DOCK7: variants seen among roughly 807,000 people sequenced by gnomAD.
DOCK7 encodes dedicator of cytokinesis 7, also known as dedicator of cytokinesis protein 7.
DOCK7 carries 138 observed loss-of-function variants against 271.0 expected under a neutral mutation model. The ratio of observed to expected loss-of-function variants is 0.51; its 90% CI spans 0.44 to 0.59. DOCK7 has a LOEUF of 0.59. DOCK7 is among the 20% of genes least tolerant of loss of function. The pLI, the probability that DOCK7 is intolerant of heterozygous loss-of-function variation, is 0.00. For synonymous variants in DOCK7, 823 were observed against 876.1 expected (o/e 0.94, Z 1.07); for missense variants, 2,066 against 2,592.4 (o/e 0.80, Z 4.41).
chr1:62,548,184 T>G (rs897494708), intron 22 of DOCK7, among the ~76,000 whole-genome samples: 1 of 150,482 alleles, frequency 6.6e-6, no homozygotes, highest in Non-Finnish European at 1.5e-5. Flanking sequence ...AATTAATTCA[T>G]ATGCTACATT....
intron 43 of DOCK7, chr1:62,484,942 T>A (rs1411636530): frequency 2.4e-5 from 4 of 168,830 alleles, no homozygotes; most frequent in African/African-American, 9.6e-5. Context: ...GAGTTTGAGA[T>A]CAACCTGAGC....
chr1:62,458,639 TCTC>T (rs1645422673), intron 48 of DOCK7: 1 of 152,166 alleles, frequency 6.6e-6, no homozygotes, highest in Non-Finnish European at 1.5e-5. Context: ...TTCAAGCGAT[TCTC>T]CTACCTCAAC....
intron 31 of DOCK7, among the ~76,000 whole-genome samples, chr1:62,525,637 T>C (rs1644984274): frequency 6.6e-6 from 1 of 152,218 alleles, no homozygotes; most frequent in South Asian, 2.1e-4. Flanking sequence ...CTTCAAAGGT[T>C]ACCAGGCTGT....
At chr1:62,601,223 T>C in intron 14 of DOCK7, 2 of 1,418,114 alleles carry the variant, frequency 1.4e-6, no homozygotes, top group Non-Finnish European at 2.0e-6. Flanking sequence ...GGTTTCCTTC[T>C]TGAAGCTATT....
chr1:62,505,028 A>AAT (rs928642298), intron 36 of DOCK7, among the ~76,000 whole-genome samples: 2 of 152,190 alleles, frequency 1.3e-5, no homozygotes, highest in Non-Finnish European at 2.9e-5. Flanking sequence ...TAGGCCTAAT[A>AAT]ATATATCTAC....
intron 38 of DOCK7, chr1:62,495,930 G>T: frequency 5.0e-6 from 2 of 398,604 alleles, no homozygotes; most frequent in Non-Finnish European, 4.4e-6. Flanking sequence ...ACTGTAAGTA[G>T]AAATAAAACA....
At chr1:62,536,982 G>A (rs1645365672) in intron 28 of DOCK7, among the ~76,000 whole-genome samples, 1 of 152,150 alleles carries the variant, frequency 6.6e-6, no homozygotes. Flanking sequence ...GAAGTCAAGT[G>A]CCACCCACTG....
intron 7 of DOCK7, among the ~76,000 whole-genome samples, chr1:62,643,825 T>A (rs1656323543): frequency 6.6e-6 from 1 of 152,056 alleles, no homozygotes; most frequent in Admixed American, 6.5e-5. Context: ...TTTGTTCAGT[T>A]TTATCATCAA....
intron 28 of DOCK7, among the ~76,000 whole-genome samples, chr1:62,536,505 A>G (rs2149387329): frequency 6.6e-6 from 1 of 152,316 alleles, no homozygotes; most frequent in Admixed American, 6.5e-5. Flanking sequence ...AGGGAAAGAA[A>G]GAAAAAGGCC....
chr1:62,597,530 A>C (rs745885061), intron 14 of DOCK7: 2 of 1,608,832 alleles, frequency 1.2e-6, no homozygotes, highest in Non-Finnish European at 1.7e-6. Flanking sequence ...AGAAGAAAAC[A>C]GTTCCACGTT....
At chr1:62,552,213 T>C (rs1645929690) in intron 22 of DOCK7, among the ~76,000 whole-genome samples, 1 of 150,734 alleles carries the variant, frequency 6.6e-6, no homozygotes, top group African/African-American at 2.4e-5. Context: ...AATAAATGTG[T>C]GTGGGGGGTG....
chr1:62,525,697 T>C lies in DOCK7; in HGVS notation c.3936+2454A>G, dbSNP rs1644986048. 2.0e-5 allele frequency among the ~76,000 whole-genome samples: 3 copies of C among 152,198 alleles called. No homozygotes were observed. The South Asian group carries it at 6.2e-4, about 31-fold the overall frequency. Reference sequence around the variant, plus strand: ...AGTGGATATGCTGCTGTTTATTTTATTATTACATTTTGTACATGCACTTTA... The same window carrying C: ...AGTGGATATGCTGCTGTTTATTTTACTATTACATTTTGTACATGCACTTTA... On this transcript the variant is annotated intron_variant, in intron 31 of 49. Coordinates refer to ENST00000635253, the MANE Select transcript of DOCK7 (RefSeq NM_001367561.1).
At chr1:62,477,309 A>C (rs1645995234) in intron 44 of DOCK7, among the ~76,000 whole-genome samples, 1 of 152,190 alleles carries the variant, frequency 6.6e-6, no homozygotes, top group Admixed American at 6.5e-5. Context: ...GAACCAGTTA[A>C]GCCAAAGAGA....
In DOCK7 at chr1:62,501,693, A is replaced by G. The variant is rs1646789223; in HGVS notation, c.4764+2937T>C. Among the ~76,000 whole-genome samples the G allele has an allele frequency of 3.9e-5, 6 of 152,056 alleles. No individual in the cohort carries two copies. The South Asian group carries it at 1.2e-3, about 32-fold the overall frequency. On this transcript the variant is annotated intron_variant, in intron 37 of 49. Transcript: ENST00000635253. ...CTAATTACATCCCTATGATATTTTA[A>G]TATCAGAGATGTATACATCTGTTTA...
At chr1:62,631,870 A>G (rs1654673588) in intron 10 of DOCK7, among the ~76,000 whole-genome samples, 1 of 152,248 alleles carries the variant, frequency 6.6e-6, no homozygotes, top group African/African-American at 2.4e-5. Context: ...GAATAGGCCA[A>G]TGATAAACAA....
chr1:62,591,709 A>G (rs1393127926), intron 14 of DOCK7, among the ~76,000 whole-genome samples: 1 of 152,160 alleles, frequency 6.6e-6, no homozygotes, highest in Non-Finnish European at 1.5e-5. Context: ...CTTTGCGGGC[A>G]TGGACATGAC....
At chr1:62,674,311 C>T (rs916195166) in intron 1 of DOCK7, among the ~76,000 whole-genome samples, 1 of 150,954 alleles carries the variant, frequency 6.6e-6, no homozygotes, top group Non-Finnish European at 1.5e-5. Flanking sequence ...ATAAATAGAC[C>T]CCCCCCACCA....
chr1:62,578,112 T>C (rs989420132), intron 17 of DOCK7, among the ~76,000 whole-genome samples: 1 of 152,024 alleles, frequency 6.6e-6, no homozygotes, highest in African/African-American at 2.4e-5. Context: ...TTGGTAGAGA[T>C]GGGGTTATGC....
intron 1 of DOCK7, among the ~76,000 whole-genome samples, chr1:62,672,327 T>C (rs1055093378): frequency 2.6e-5 from 4 of 152,282 alleles, no homozygotes; most frequent in African/African-American, 9.6e-5. Context: ...TAGCAACATT[T>C]GTCAGGCACT....
Sources: allele counts gnomAD v4.1 joint callset (sites outside exome capture counted in the v4.1 genomes callset), GRCh38; gene constraint gnomAD v4.1.1; transcripts MANE v1.5; gene names NCBI Gene and HGNC (gene_info 2026-07-23, HGNC 2026-07-21).